Variants in RAI1 observed in about 807,000 individuals in gnomAD.
RAI1 encodes the protein retinoic acid induced 1.
A neutral mutation model predicts 123.8 loss-of-function variants in RAI1; 9 were observed. The ratio of observed to expected loss-of-function variants is 0.07; its 90% CI spans 0.04 to 0.13. RAI1 has a LOEUF of 0.13. RAI1 is among the 10% of genes least tolerant of loss of function. RAI1 has a pLI of 1.00. For missense variants in RAI1, 2,256 were observed against 2,545.8 expected (o/e 0.89, Z 2.45); for synonymous variants, 1,231 against 1,127.3 (o/e 1.09, Z -1.84).
intron 2 of RAI1, among the ~76,000 whole-genome samples, chr17:17,752,442 C>T (rs2030228927): frequency 1.3e-5 from 2 of 151,946 alleles, no homozygotes; most frequent in African/African-American, 4.8e-5. Context: ...CAGGCGGGCG[C>T]GGCCGCGCGC....
chr17:17,733,662 C>T (rs766922131), intron 2 of RAI1, among the ~76,000 whole-genome samples: 4 of 152,180 alleles, frequency 2.6e-5, no homozygotes, highest in South Asian at 2.1e-4. Context: ...GTCCAGTGCT[C>T]GTTCTCTCTA....
At chr17:17,750,773 C>G (rs1285568278) in intron 2 of RAI1, among the ~76,000 whole-genome samples, 1 of 152,098 alleles carries the variant, frequency 6.6e-6, no homozygotes, top group Non-Finnish European at 1.5e-5. Context: ...GACCCTCACC[C>G]CTGACTCCAC....
intron 2 of RAI1, among the ~76,000 whole-genome samples, chr17:17,744,925 A>G (rs530584883): frequency 6.6e-6 from 1 of 152,042 alleles, no homozygotes. Context: ...GGGCATTTAC[A>G]TACACAATTA....
intron 2 of RAI1, among the ~76,000 whole-genome samples, chr17:17,742,459 A>G (rs1309930822): frequency 6.6e-6 from 1 of 152,258 alleles, no homozygotes; most frequent in East Asian, 1.9e-4. Flanking sequence ...GAATGAATGA[A>G]TGAATAAAGG....
chr17:17,794,862 G>A lies in RAI1; in HGVS notation c.1914G>A (p.Lys638=), dbSNP rs752952229. ...CCAGCCTGGTCAAGGACAGCAGCAAGCCACCCTTCTCGCTGGAGAACCACA... is the reference window on the plus strand; with the variant it reads ...CCAGCCTGGTCAAGGACAGCAGCAAACCACCCTTCTCGCTGGAGAACCACA... The part of the protein sequence containing the change: ...EAPSLVKDSS[K]PPFSLENHSA... The change falls in exon 3 of 6, where the codon AAG becomes AAA. Residue 638 remains lysine, a synonymous_variant. Coordinates refer to ENST00000353383, the MANE Select transcript of RAI1 (RefSeq NM_030665.4). 1.2e-6 allele frequency: 2 copies of A among 1,613,326 alleles called. No homozygotes were observed. Among genetic ancestry groups the A allele is most frequent in the Admixed American group, 1.7e-5 (1 of 60,034 alleles).
At chr17:17,719,554 C>T (rs780589310) in intron 1 of RAI1, among the ~76,000 whole-genome samples, 12 of 152,174 alleles carry the variant, frequency 7.9e-5, no homozygotes, top group South Asian at 2.1e-4. Context: ...GCTCCCAGCC[C>T]GCTTCCTTGG....
intron 2 of RAI1, among the ~76,000 whole-genome samples, chr17:17,752,015 A>G (rs547980969): frequency 1.3e-5 from 2 of 152,010 alleles, no homozygotes; most frequent in Non-Finnish European, 2.9e-5. Flanking sequence ...GCACCCGAAC[A>G]TAGTAGGCAC....
chr17:17,738,633 C>A (rs1471367815), intron 2 of RAI1, among the ~76,000 whole-genome samples: 13 of 152,212 alleles, frequency 8.5e-5, no homozygotes, highest in Non-Finnish European at 2.9e-5. Flanking sequence ...CTCAAGGTGG[C>A]TCTGAGGTGC....
At chr17:17,729,576 C>G (rs187780375) in intron 2 of RAI1, among the ~76,000 whole-genome samples, 56 of 152,298 alleles carry the variant, frequency 3.7e-4, no homozygotes, top group Admixed American at 3.7e-3. Context: ...TCAGTTTCCC[C>G]TTTGTATAAT....
At chr17:17,730,795 G>C (rs1048762332) in intron 2 of RAI1, among the ~76,000 whole-genome samples, 5 of 152,258 alleles carry the variant, frequency 3.3e-5, no homozygotes, top group Admixed American at 2.6e-4. Context: ...CACAAGATGA[G>C]ACTTTGTTGG....
intron 1 of RAI1, among the ~76,000 whole-genome samples, chr17:17,720,443 A>G (rs1195425037): frequency 6.6e-6 from 1 of 152,202 alleles, no homozygotes; most frequent in Non-Finnish European, 1.5e-5. Flanking sequence ...CCTGCCAGCC[A>G]GGCAGCCTCC....
chr17:17,806,189 A>G (rs528994661), intron 4 of RAI1, among the ~76,000 whole-genome samples: 2 of 152,228 alleles, frequency 1.3e-5, no homozygotes, highest in Non-Finnish European at 2.9e-5. Flanking sequence ...AAATCTAGGA[A>G]GACTTCCAGG....
intron 1 of RAI1, chr17:17,684,876 T>A (rs1264061533): frequency 6.6e-6 from 1 of 152,124 alleles, no homozygotes; most frequent in African/African-American, 2.4e-5. Flanking sequence ...GGTTGACTCC[T>A]GGCTCCACCA....
rs1162597718 is a variant in RAI1, at chr17:17,798,288, G to A, written c.5340G>A (p.Leu1780=). 1.3e-6 allele frequency: 2 copies of A among 1,596,872 alleles called. No individual in the cohort carries two copies. The highest frequency in any genetic ancestry group is 1.1e-5 in the South Asian group (1 of 89,460). ...GTGCCCGGGGCCTGTCCCGGAGGCT[G>A]CAGAGCTGCTACTGCTGTGATGGCC... ...RTSARGLSRR[L]QSCYCCDGRE... is the part of the protein sequence containing the mutation. Residue 1780 remains leucine, a synonymous_variant, in exon 3 of 6, where the codon CTG becomes CTA. Transcript: ENST00000353383.
At chr17:17,736,015 G>T (rs555544306) in intron 2 of RAI1, among the ~76,000 whole-genome samples, 1 of 152,072 alleles carries the variant, frequency 6.6e-6, no homozygotes, top group African/African-American at 2.4e-5. Context: ...TGTTATGTGT[G>T]TGCATCTGTG....
intron 1 of RAI1, among the ~76,000 whole-genome samples, chr17:17,706,154 C>A (rs1281953136): frequency 6.6e-6 from 1 of 151,996 alleles, no homozygotes; most frequent in African/African-American, 2.4e-5. Context: ...GGTGCTTGCC[C>A]AGAGGTCAGC....
At chr17:17,788,415 C>T (rs547100280) in intron 2 of RAI1, among the ~76,000 whole-genome samples, 56 of 152,212 alleles carry the variant, frequency 3.7e-4, no homozygotes, top group African/African-American at 1.2e-3. Context: ...ATCTGGCGAA[C>T]GATTTCTCAT....
At chr17:17,727,219 C>T (rs1276262638) in intron 2 of RAI1, among the ~76,000 whole-genome samples, 1 of 152,148 alleles carries the variant, frequency 6.6e-6, no homozygotes, top group Non-Finnish European at 1.5e-5. Context: ...CCATCAGAGC[C>T]GAAAAGAGCC....
At chr17:17,769,185 G>A (rs567195070) in intron 2 of RAI1, among the ~76,000 whole-genome samples, 9 of 152,362 alleles carry the variant, frequency 5.9e-5, no homozygotes, top group African/African-American at 9.6e-5. Flanking sequence ...AGTTGCTGGC[G>A]TGGTCTCCTC....
Sources: allele counts gnomAD v4.1 joint callset (sites outside exome capture counted in the v4.1 genomes callset), GRCh38; gene constraint gnomAD v4.1.1; transcripts MANE v1.5; gene names NCBI Gene and HGNC (gene_info 2026-07-23, HGNC 2026-07-21).